Variants in RAB22A observed in about 807,000 individuals in gnomAD.
RAB22A encodes the protein RAB22A, member RAS oncogene family, also known as ras-related protein Rab-22A.
A neutral mutation model predicts 30.2 loss-of-function variants in RAB22A; 13 were observed. The observed-to-expected ratio is 0.43, with a 90% CI of 0.28 to 0.68. The LOEUF is 0.68. Among genes scored for constraint, RAB22A ranks in the 30% least tolerant of loss-of-function variants. RAB22A has a pLI of 0.18. For synonymous variants in RAB22A, 89 were observed against 87.2 expected, an observed-to-expected ratio of 1.02 and a Z score of -0.11; for missense variants, 177 against 246.8, an observed-to-expected ratio of 0.72 and a Z score of 1.89.
chr20:58,358,809 C>T (rs1201533211), intron 6 of RAB22A, among the ~76,000 whole-genome samples: 1 of 151,560 alleles, frequency 6.6e-6, no homozygotes. Context: ...GTGGGAGAAT[C>T]GCTTGAACCT....
At chr20:58,346,895 C>T (rs1986958757) in intron 3 of RAB22A, among the ~76,000 whole-genome samples, 1 of 152,184 alleles carries the variant, frequency 6.6e-6, no homozygotes, top group African/African-American at 2.4e-5. Context: ...ACCTGTCTGC[C>T]TTTCATTAGA....
chr20:58,359,529 G>A (rs968198333), intron 6 of RAB22A, 77 bp from the exon 7 acceptor site: 2 of 773,640 alleles, frequency 2.6e-6, no homozygotes, highest in East Asian at 3.7e-5. Flanking sequence ...AGTGAAACCT[G>A]TCAAATTGCA....
intron 2 of RAB22A, among the ~76,000 whole-genome samples, chr20:58,312,051 G>A (rs533174206): frequency 6.6e-5 from 10 of 152,210 alleles, no homozygotes; most frequent in African/African-American, 2.4e-4. Context: ...TGCCTCCCGG[G>A]TTCAAGCGAT....
chr20:58,363,541 G>A lies in RAB22A; in HGVS notation c.*3838G>A, dbSNP rs981096408. 6.6e-6 allele frequency: 1 copy of A among 152,008 alleles called. No individual in the cohort carries two copies. The highest frequency in any genetic ancestry group is 1.5e-5 in the Non-Finnish European group (1 of 68,016). 9.4% of individuals were successfully genotyped at this position (152,008 alleles called of 1,614,324 possible). A position where few individuals can be genotyped will look rare whatever the true frequency, so the allele number is the denominator to read the frequency against. On this transcript the variant is annotated 3_prime_UTR_variant, in exon 7 of 7. Transcript: ENST00000244040. ...CTGGCTCTCCTCTCTAACCTCACTG[G>A]GCTATAAATGTTCCTTCTAACTCTG...
At position 58,332,495 on chromosome 20, in the gene RAB22A, G is replaced by C. The variant is rs115949711; in HGVS notation, c.117-11223G>C. Among the ~76,000 whole-genome samples, 1,417 of 152,292 alleles carry C rather than the reference G, an allele frequency of 9.3e-3. 22 individuals carry two copies. Among genetic ancestry groups the C allele is most frequent in the Middle Eastern group, 0.031 (9 of 294 alleles). ...CTTAAAAATCTTGATCTGATTCACT[G>C]ACCCTCTCCTCTGCTGTGTCCAGTC... On this transcript the variant is annotated intron_variant, in intron 2 of 6. Coordinates refer to ENST00000244040, the MANE Select transcript of RAB22A (RefSeq NM_020673.3).
chr20:58,359,518 C>CCTTT, intron 6 of RAB22A, 88 bp from the exon 7 acceptor site: 1 of 433,268 alleles, frequency 2.3e-6, no homozygotes, highest in South Asian at 4.4e-5. Flanking sequence ...TTTTTTACTT[C>CCTTT]AGTGAAACCT....
chr20:58,352,637 G>C (rs886487050), intron 3 of RAB22A, among the ~76,000 whole-genome samples: 1 of 152,182 alleles, frequency 6.6e-6, no homozygotes, highest in Non-Finnish European at 1.5e-5. Flanking sequence ...CCTCCCTGTT[G>C]TGTGTCACCG....
intron 2 of RAB22A, among the ~76,000 whole-genome samples, chr20:58,320,623 T>C (rs1277856659): frequency 1.3e-5 from 2 of 152,234 alleles, no homozygotes; most frequent in African/African-American, 4.8e-5. Context: ...TTTGATATGT[T>C]GTGTTTTCAT....
rs190962208 is a variant in RAB22A, at chr20:58,334,190, C to T, written c.117-9528C>T. Among the ~76,000 whole-genome samples, 346 of 152,110 alleles carry T rather than the reference C, an allele frequency of 2.3e-3. 2 individuals carry two copies. Among genetic ancestry groups the T allele is most frequent in the Middle Eastern group, 3.4e-3 (1 of 294 alleles). On this transcript the variant is annotated intron_variant, in intron 2 of 6. Transcript: ENST00000244040. ...TACTAAAAACACAAAAAAACATTAGCTGGGTGTGGTGGCGGGTGCCTGTAA... is the reference window on the plus strand; with the variant it reads ...TACTAAAAACACAAAAAAACATTAGTTGGGTGTGGTGGCGGGTGCCTGTAA...
At chr20:58,324,436 A>G (rs1986519392) in intron 2 of RAB22A, among the ~76,000 whole-genome samples, 1 of 152,072 alleles carries the variant, frequency 6.6e-6, no homozygotes, top group Non-Finnish European at 1.5e-5. Context: ...ACTCTATGAT[A>G]TGTCTCTTCC....
intron 2 of RAB22A, among the ~76,000 whole-genome samples, chr20:58,325,559 C>G (rs569569964): frequency 3.3e-5 from 5 of 151,792 alleles, no homozygotes; most frequent in African/African-American, 9.6e-5. Context: ...TCATTCAGTT[C>G]AGAATATTTT....
chr20:58,327,312 G>T (rs2122938629), intron 2 of RAB22A, among the ~76,000 whole-genome samples: 1 of 152,264 alleles, frequency 6.6e-6, no homozygotes, highest in Non-Finnish European at 1.5e-5. Context: ...CATTTTCTGT[G>T]TATCAGGAAT....
intron 3 of RAB22A, among the ~76,000 whole-genome samples, chr20:58,350,492 G>A (rs112243716): frequency 6.6e-6 from 1 of 152,112 alleles, no homozygotes. Context: ...TAGGTAAGTC[G>A]TAGTCAAACT....
At chr20:58,341,615 G>C (rs558035371) in intron 2 of RAB22A, among the ~76,000 whole-genome samples, 2 of 152,156 alleles carry the variant, frequency 1.3e-5, no homozygotes, top group Admixed American at 6.5e-5. Flanking sequence ...AGAGTAGAAG[G>C]GTGGTCCAGG....
At position 58,360,912 on chromosome 20, in the gene RAB22A, G is replaced by A. The variant is rs1418315734; in HGVS notation, c.*1209G>A. On this transcript the variant is annotated 3_prime_UTR_variant, in exon 7 of 7. Transcript: ENST00000244040. Reference sequence around the variant, plus strand: ...TACTAGCCTGAGGGTAAAAGATTAAGCTCCAACCTCAAGTCATTTACCTGG... The same window carrying A: ...TACTAGCCTGAGGGTAAAAGATTAAACTCCAACCTCAAGTCATTTACCTGG... 6.6e-6 allele frequency: 1 copy of A among 152,564 alleles called. No homozygotes were observed. The highest frequency in any genetic ancestry group is 1.5e-5 in the Non-Finnish European group (1 of 68,024). The allele number at this position is 152,564 out of a possible 1,614,324, so 9.5% of individuals were successfully genotyped here.
chr20:58,337,902 T>G (rs1457495286), intron 2 of RAB22A, among the ~76,000 whole-genome samples: 1 of 152,240 alleles, frequency 6.6e-6, no homozygotes, highest in Non-Finnish European at 1.5e-5. Flanking sequence ...TGTCTAACAA[T>G]AAAGTCAAGA....
Position 58,359,078 on chromosome 20 carries a change from A to G in RAB22A, c.488-528A>G, listed in dbSNP as rs116014587. Among the ~76,000 whole-genome samples, 1,422 of 152,234 alleles carry G rather than the reference A, an allele frequency of 9.3e-3. 23 individuals are homozygous for G. Among genetic ancestry groups the G allele is most frequent in the Middle Eastern group, 0.031 (9 of 294 alleles). On this transcript the variant is annotated intron_variant, in intron 6 of 6. Coordinates refer to ENST00000244040, the MANE Select transcript of RAB22A (RefSeq NM_020673.3). The stretch of plus-strand genomic sequence containing the variant: ...TATAGGTGTGCCTGAGTGTTTGTGC[A>G]TATATGTCTCTGGAAGGCTACACGA...
chr20:58,329,431 C>G (rs1448558119), intron 2 of RAB22A, among the ~76,000 whole-genome samples: 1 of 152,162 alleles, frequency 6.6e-6, no homozygotes, highest in Non-Finnish European at 1.5e-5. Flanking sequence ...CTGTGTCATT[C>G]TGTTTTATCC....
chr20:58,357,476 C>T (rs577270060), intron 6 of RAB22A, among the ~76,000 whole-genome samples: 3 of 152,074 alleles, frequency 2.0e-5, no homozygotes, highest in African/African-American at 7.2e-5. Context: ...TCTGACTGAT[C>T]CTTGTTTTCC....
Sources: allele counts gnomAD v4.1 joint callset (sites outside exome capture counted in the v4.1 genomes callset), GRCh38; gene constraint gnomAD v4.1.1; transcripts MANE v1.5; gene names NCBI Gene and HGNC (gene_info 2026-07-23, HGNC 2026-07-21).